The following ZNF423 variants were observed in gnomAD, a reference collection of about 807,000 sequenced individuals.
The protein encoded by ZNF423 is zinc finger protein 423, also known as Ebf-associated zinc finger protein.
A neutral mutation model predicts 95.8 loss-of-function variants in ZNF423; 12 were observed. The observed-to-expected ratio is 0.13, with a 90% confidence interval of 0.08 to 0.20. The LOEUF is 0.20. Among genes scored for constraint, ZNF423 ranks in the 10% least tolerant of loss-of-function variants. ZNF423 has a pLI of 1.00. For missense variants in ZNF423, 1,316 were observed against 1,737.1 expected, an observed-to-expected ratio of 0.76 and a Z score of 4.31; for synonymous variants, 749 against 711.9, an observed-to-expected ratio of 1.05 and a Z score of -0.83.
At chr16:49,592,739 G>A (rs1052889303) in intron 5 of ZNF423, among the ~76,000 whole-genome samples, 2 of 152,232 alleles carry the variant, frequency 1.3e-5, no homozygotes, top group Non-Finnish European at 2.9e-5. Flanking sequence ...ACTCAGCAAA[G>A]GTGTGTGATG....
chr16:49,518,885 C>T (rs1253178320), intron 7 of ZNF423, among the ~76,000 whole-genome samples: 1 of 152,134 alleles, frequency 6.6e-6, no homozygotes, highest in Non-Finnish European at 1.5e-5. Flanking sequence ...TGAGACCCCA[C>T]CTATAAAATT....
intron 5 of ZNF423, among the ~76,000 whole-genome samples, chr16:49,573,041 G>A (rs907101090): frequency 1.1e-4 from 17 of 152,144 alleles, no homozygotes; most frequent in African/African-American, 3.9e-4. Flanking sequence ...GAATGGGTGC[G>A]GAGTGAATAA....
At chr16:49,639,776 T>C (rs888725200) in intron 3 of ZNF423, among the ~76,000 whole-genome samples, 7 of 152,090 alleles carry the variant, frequency 4.6e-5, no homozygotes, top group Admixed American at 2.0e-4. Flanking sequence ...CTCCAGCCAG[T>C]CCCACCCTCC....
At chr16:49,748,377 C>G (rs2033565983) in intron 2 of ZNF423, among the ~76,000 whole-genome samples, 1 of 152,004 alleles carries the variant, frequency 6.6e-6, no homozygotes, top group African/African-American at 2.4e-5. Context: ...CACCAATTTT[C>G]TGACCCTCCT....
chr16:49,658,751 G>A (rs2030031197), intron 3 of ZNF423, among the ~76,000 whole-genome samples: 1 of 152,256 alleles, frequency 6.6e-6, no homozygotes, highest in South Asian at 2.1e-4. Context: ...CCCCTGACTG[G>A]ATTCCGGAGT....
At chr16:49,554,641 A>T (rs1165130739) in intron 5 of ZNF423, among the ~76,000 whole-genome samples, 2 of 151,700 alleles carry the variant, frequency 1.3e-5, no homozygotes, top group African/African-American at 4.8e-5. Flanking sequence ...GCTATTATAA[A>T]TGGTGGTTCT....
At chr16:49,594,707 A>G (rs578221193) in intron 5 of ZNF423, among the ~76,000 whole-genome samples, 1 of 152,326 alleles carries the variant, frequency 6.6e-6, no homozygotes, top group South Asian at 2.1e-4. Flanking sequence ...ATCTAAACCC[A>G]TAAACAGAAG....
chr16:49,851,393 T>G (rs2144125800), intron 1 of ZNF423, among the ~76,000 whole-genome samples: 2 of 152,360 alleles, frequency 1.3e-5, no homozygotes, highest in South Asian at 4.1e-4. Context: ...TCAATGCATC[T>G]AATTGCCAGA....
chr16:49,616,643 G>A (rs1971885295), intron 5 of ZNF423, among the ~76,000 whole-genome samples: 1 of 151,996 alleles, frequency 6.6e-6, no homozygotes. Context: ...ATTAAAAAAA[G>A]AAAACTGAAT....
chr16:49,630,455 G>A (rs1342912823), intron 4 of ZNF423, among the ~76,000 whole-genome samples: 5 of 152,198 alleles, frequency 3.3e-5, no homozygotes, highest in Non-Finnish European at 7.3e-5. Flanking sequence ...ATCCCAGGAA[G>A]GGAAGCTTCA....
intron 7 of ZNF423, among the ~76,000 whole-genome samples, chr16:49,512,055 A>G (rs1567433780): frequency 6.6e-6 from 1 of 152,180 alleles, no homozygotes; most frequent in South Asian, 2.1e-4. Context: ...ACTATACCAT[A>G]TTACATCACA....
intron 3 of ZNF423, 151 bp downstream of exon 3, chr16:49,730,620 G>A (rs774000088): frequency 1.5e-5 from 12 of 782,252 alleles, no homozygotes; most frequent in Middle Eastern, 3.8e-4. Context: ...TTTAAAAGGC[G>A]GATACAGGGT....
At chr16:49,494,931 GTC>G (rs759156095) in intron 7 of ZNF423, among the ~76,000 whole-genome samples, 120 of 151,940 alleles carry the variant, frequency 7.9e-4, no homozygotes, top group Non-Finnish European at 6.5e-4. Context: ...CAGCCTTAAT[GTC>G]TCTTTCTCTG....
intron 5 of ZNF423, among the ~76,000 whole-genome samples, chr16:49,583,802 A>G (rs572662632): frequency 6.6e-6 from 1 of 152,360 alleles, no homozygotes; most frequent in Admixed American, 6.5e-5. Flanking sequence ...ACCAAGTACC[A>G]CAACCTTGCA....
At chr16:49,555,549 G>A (rs1321053091) in intron 5 of ZNF423, among the ~76,000 whole-genome samples, 11 of 152,218 alleles carry the variant, frequency 7.2e-5, no homozygotes, top group Non-Finnish European at 1.6e-4. Flanking sequence ...GTTGAAGGTA[G>A]GACATTAATT....
intron 2 of ZNF423, among the ~76,000 whole-genome samples, chr16:49,758,784 G>A (rs2033773590): frequency 6.6e-6 from 1 of 152,150 alleles, no homozygotes; most frequent in African/African-American, 2.4e-5. Flanking sequence ...ACTCCCTCAT[G>A]TTCCTTAAAG....
Position 49,778,959 on chromosome 16 carries a change from T to C in ZNF423, c.100+10528A>G, listed in dbSNP as rs542287302. ...ATTCTCCCCATTTCCGATGAGAAAA[T>C]GAAATGACAGGGAGGTTTAGTAACT... On this transcript the variant is annotated intron_variant, in intron 2 of 7. Transcript: ENST00000563137. 3.3e-5 allele frequency among the ~76,000 whole-genome samples: 5 copies of C among 152,236 alleles called. No homozygotes were observed. In the East Asian group the frequency reaches 9.7e-4, roughly 29 times the overall value.
chr16:49,529,130 CT>C (rs34615288), intron 5 of ZNF423, among the ~76,000 whole-genome samples: 23,494 of 144,058 alleles, frequency 0.16, 2,208 homozygotes, highest in African/African-American at 0.25. Flanking sequence ...TTTTCTGTGC[CT>C]TTTTTTTTTT....
intron 7 of ZNF423, among the ~76,000 whole-genome samples, chr16:49,497,232 T>TATCCATCCATCCATCCATCCATCCATCC (rs773217573): frequency 5.9e-4 from 90 of 151,900 alleles, no homozygotes; most frequent in African/African-American, 1.4e-3. Context: ...TCTATTCATC[T>TATCCATCCATCCATCCATCCATCCATCC]ATCCATCCAT....
Sources: allele counts gnomAD v4.1 joint callset (sites outside exome capture counted in the v4.1 genomes callset), GRCh38; gene constraint gnomAD v4.1.1; transcripts MANE v1.5; gene names NCBI Gene and HGNC (gene_info 2026-07-23, HGNC 2026-07-21).